Variants in TRIM6 observed in about 807,000 individuals in gnomAD.
TRIM6 encodes tripartite motif-containing protein 6.
TRIM6 carries 43 observed loss-of-function variants against 51.2 expected under a neutral mutation model. The observed-to-expected ratio is 0.84, with a 90% CI of 0.66 to 1.08. The LOEUF (loss-of-function observed/expected upper bound fraction) is 1.08, where lower values mean the gene tolerates loss of function less well. Among genes scored for constraint, TRIM6 ranks in the 50% least tolerant of loss-of-function variants. The probability of loss-of-function intolerance (pLI) is 0.00; values close to 1 mark genes in which losing one functional copy is unlikely to be tolerated. For missense variants in TRIM6, 669 were observed against 619.0 expected (o/e 1.08, Z -0.86); for synonymous variants, 215 against 232.4 (o/e 0.93, Z 0.68).
Position 5,605,181 on chromosome 11 carries a change from A to G in TRIM6, c.604-156A>G. ...GCTGAAGGGAGAAAAGAAGGAAAGA[A>G]CAGGCTACAAAGGCTTTCTCCTGCA... On this transcript the variant is annotated intron_variant, in intron 3 of 7. Transcript: ENST00000380097. 4 of 991,350 alleles carry G rather than the reference A, an allele frequency of 4.0e-6. No individual in the cohort carries two copies. The South Asian group carries it at 5.5e-5, about 14-fold the overall frequency. The allele number at this position is 991,350 out of a possible 1,614,324, so 61.4% of individuals were successfully genotyped here. A position where few individuals can be genotyped will look rare whatever the true frequency, so the allele number is the denominator to read the frequency against.
chr11:5,599,529 G>C (rs188510690), intron 1 of TRIM6, among the ~76,000 whole-genome samples: 2 of 151,878 alleles, frequency 1.3e-5, no homozygotes, highest in African/African-American at 2.4e-5. Context: ...TCAGCCTCCC[G>C]AGTAGCTGGG....
chr11:5,610,118 G>T, intron 5 of TRIM6, 27 bp from the exon 6 acceptor site: 1 of 1,613,130 alleles, frequency 6.2e-7, no homozygotes, highest in Non-Finnish European at 8.5e-7. Context: ...CAGCAGTGTG[G>T]GAACTCAGAA....
In TRIM6 at chr11:5,611,207, C is replaced by T. The variant is rs766239950; in HGVS notation, c.1416C>T (p.Val472=). Residue 472 remains valine, a synonymous_variant, in exon 8 of 8, where the codon GTC becomes GTT. Transcript: ENST00000380097. The part of the protein sequence containing the change: ...GVFLDYEAGT[V]SFYNVTNHGF... ...TCTTAGATTATGAGGCTGGTACTGTCTCCTTTTATAATGTCACAAACCATG... is the reference window on the plus strand; with the variant it reads ...TCTTAGATTATGAGGCTGGTACTGTTTCCTTTTATAATGTCACAAACCATG... 2.5e-6 allele frequency: 4 copies of T among 1,614,108 alleles called. No individual in the cohort carries two copies. In the East Asian group the frequency reaches 6.7e-5, roughly 27 times the overall value.
chr11:5,603,112 G>C, intron 1 of TRIM6, 134 bp from the exon 2 acceptor site: 1 of 1,423,180 alleles, frequency 7.0e-7, no homozygotes, highest in South Asian at 1.5e-5. Context: ...GATAAAGAAC[G>C]TATTGGATAT....
Position 5,610,213 on chromosome 11 carries a change from C to T in TRIM6, c.926C>T (p.Pro309Leu). 1.2e-6 allele frequency: 2 copies of T among 1,614,044 alleles called. No homozygotes were observed. The highest frequency in any genetic ancestry group is 3.3e-5 in the Admixed American group (2 of 60,014). Residue 309 changes from proline to leucine, a missense_variant, in exon 6 of 8, where the codon CCA (proline) becomes CTA (leucine). Physicochemically the swap from Pro to Leu is moderately conservative, Grantham distance 98. Transcript: ENST00000380097. ...AAGCTGAGAAGTATGTTCCGAGCCC[C>T]AGATCTGAAAAGGATGCTGCGAGTG... ...PTKLRSMFRA[P>L]DLKRMLRVCR...
At position 5,611,292 on chromosome 11, in the gene TRIM6, A is replaced by C; in HGVS notation, c.1501A>C (p.Asn501His). 6.2e-7 allele frequency: 1 copy of C among 1,614,104 alleles called. No individual in the cohort carries two copies. ...YFPTTLCPYFNPCNCVIPMTL... is the reference protein window; with the variant it reads ...YFPTTLCPYFHPCNCVIPMTL... Reference sequence around the variant, plus strand: ...TCCCACTACTCTTTGTCCATATTTTAATCCTTGCAACTGTGTAATTCCTAT... The same window carrying C: ...TCCCACTACTCTTTGTCCATATTTTCATCCTTGCAACTGTGTAATTCCTAT... Residue 501 changes from asparagine (N) to histidine (H), a missense_variant, in exon 8 of 8, where the codon AAT becomes CAT. Physicochemically the swap from Asn to His is moderately conservative, Grantham distance 68 (BLOSUM62 1). Transcript: ENST00000380097.
intron 3 of TRIM6, 75 bp downstream of exon 3, chr11:5,604,704 C>G: frequency 2.0e-6 from 3 of 1,483,488 alleles, no homozygotes; most frequent in Non-Finnish European, 2.7e-6. Flanking sequence ...GCAAAGGAGT[C>G]CTTGTCCTGT....
chr11:5,603,737 T>TG lies in TRIM6; in HGVS notation c.507+3dup. ...GAGGAGGTTGCCCAGGAGTACCAGG[T>TG]GAGACCCCAGGATGGAATGGGAGAC... On this transcript the variant is annotated splice_region_variant and intron_variant, in intron 2 of 7. Coordinates refer to ENST00000380097, the MANE Select transcript of TRIM6 (RefSeq NM_001003818.3). 1 of 1,612,998 alleles carries TG rather than the reference T, an allele frequency of 6.2e-7. No individual in the cohort carries two copies. Among genetic ancestry groups the TG allele is most frequent in the Non-Finnish European group, 8.5e-7 (1 of 1,179,608 alleles).
chr11:5,607,581 G>T (rs1400651978), intron 4 of TRIM6, among the ~76,000 whole-genome samples: 1 of 152,208 alleles, frequency 6.6e-6, no homozygotes, highest in Non-Finnish European at 1.5e-5. Flanking sequence ...ACAGAAATGA[G>T]ACTAGCAGTG....
rs1269713536 is a variant in TRIM6 at position 5,610,228 on chromosome 11, T to A, written c.941T>A (p.Met314Lys). Residue 314 changes from methionine to lysine, a missense_variant, in exon 6 of 8, where the codon ATG becomes AAG. Coordinates refer to ENST00000380097, the MANE Select transcript of TRIM6 (RefSeq NM_001003818.3). ...TTCCGAGCCCCAGATCTGAAAAGGA[T>A]GCTGCGAGTGTGTAGAGGTAAGGAG... ...SMFRAPDLKR[M>K]LRVCRELTDV... 1 of 1,613,984 alleles carries A rather than the reference T, an allele frequency of 6.2e-7. No homozygotes were observed. Among genetic ancestry groups the A allele is most frequent in the African/African-American group, 1.3e-5 (1 of 74,916 alleles).
chr11:5,602,314 G>A (rs928057504), intron 1 of TRIM6, among the ~76,000 whole-genome samples: 2 of 151,962 alleles, frequency 1.3e-5, no homozygotes, highest in African/African-American at 2.4e-5. Flanking sequence ...ATAGTGGCAG[G>A]CACCTGTAAT....
intron 1 of TRIM6, 108 bp from the exon 2 acceptor site, chr11:5,603,138 T>A (rs1847969427): frequency 5.3e-6 from 8 of 1,504,016 alleles, no homozygotes; most frequent in Non-Finnish European, 7.1e-6. Context: ...TGAGAAGCCC[T>A]TGTTACCCCA....
chr11:5,609,872 G>A (rs1262850230), intron 5 of TRIM6, among the ~76,000 whole-genome samples: 2 of 152,076 alleles, frequency 1.3e-5, no homozygotes, highest in Non-Finnish European at 2.9e-5. Flanking sequence ...GCAGTGAGCC[G>A]AGATCGTGCC....
chr11:5,601,653 G>T (rs1379075470), intron 1 of TRIM6, among the ~76,000 whole-genome samples: 1 of 152,114 alleles, frequency 6.6e-6, no homozygotes, highest in East Asian at 1.9e-4. Context: ...AGCTACTCAG[G>T]AGGCTGAGGC....
chr11:5,604,456 C>G, intron 2 of TRIM6, 78 bp from the exon 3 acceptor site: 1 of 1,467,736 alleles, frequency 6.8e-7, no homozygotes, highest in African/African-American at 1.4e-5. Flanking sequence ...AGCAGAATCT[C>G]TGTCCCATTC....
chr11:5,608,789 C>T (rs1247063057), intron 5 of TRIM6, among the ~76,000 whole-genome samples: 1 of 151,006 alleles, frequency 6.6e-6, no homozygotes, highest in Non-Finnish European at 1.5e-5. Flanking sequence ...CTGCTTTCAT[C>T]CCTGATTCTT....
At chr11:5,608,178 A>C (rs953053771) in intron 4 of TRIM6, among the ~76,000 whole-genome samples, 194 bp from the exon 5 acceptor site, 1 of 152,196 alleles carries the variant, frequency 6.6e-6, no homozygotes, top group Non-Finnish European at 1.5e-5. Context: ...TGATGAGTCA[A>C]TTGAGTTATT....
Position 5,603,534 on chromosome 11 carries a change from G to A in TRIM6, c.306G>A (p.Leu102=). 2 of 1,614,088 alleles carry A rather than the reference G, an allele frequency of 1.2e-6. No homozygotes were observed. Among genetic ancestry groups the A allele is most frequent in the Non-Finnish European group, 1.7e-6 (2 of 1,180,028 alleles). ...QPGNLRPNRH[L]ANIVRRLREV... is the part of the protein sequence containing the mutation. ...GGAACCTGCGGCCTAATCGGCATCT[G>A]GCCAACATAGTGAGGCGGCTCAGAG... is the stretch of plus-strand genomic sequence containing the variant. The change falls in exon 2 of 8, where the codon CTG becomes CTA. Residue 102 remains leucine (L), a synonymous_variant. Coordinates refer to ENST00000380097, the MANE Select transcript of TRIM6 (RefSeq NM_001003818.3).
At position 5,610,501 on chromosome 11, in the gene TRIM6, TATTCAAC is replaced by T. The variant is rs752212235; in HGVS notation, c.959-30_959-24del. 19 of 1,613,960 alleles carry T rather than the reference TATTCAAC, an allele frequency of 1.2e-5. 1 individual carries two copies. Among genetic ancestry groups the T allele is most frequent in the Middle Eastern group, 3.3e-4 (2 of 6,084 alleles). On this transcript the variant is annotated intron_variant, in intron 6 of 7. Coordinates refer to ENST00000380097, the MANE Select transcript of TRIM6 (RefSeq NM_001003818.3). ...ATACCAGACATGAGACAGTTGGTCC[TATTCAAC>T]ATTATTGACTCTTTTCATCATTACA...
Sources: gnomAD v4.1 joint callset for allele counts (sites outside exome capture counted in the v4.1 genomes callset) on GRCh38, gnomAD v4.1.1 for gene constraint, MANE v1.5 for transcripts, NCBI Gene and HGNC (gene_info 2026-07-23, HGNC 2026-07-21) for gene names.